KCNJ3: variants seen among roughly 807,000 people sequenced by gnomAD.
The protein encoded by KCNJ3 is G protein-activated inward rectifier potassium channel 1.
A neutral mutation model predicts 39.2 loss-of-function variants in KCNJ3; 4 were observed. The ratio of observed to expected loss-of-function variants is 0.10; its 90% CI spans 0.05 to 0.23. The LOEUF is 0.23. Among genes scored for constraint, KCNJ3 ranks in the 10% least tolerant of loss-of-function variants. KCNJ3 has a pLI of 1.00. For synonymous variants in KCNJ3, 230 were observed against 237.4 expected, an observed-to-expected ratio of 0.97 and a Z score of 0.29; for missense variants, 276 against 634.9, an observed-to-expected ratio of 0.43 and a Z score of 6.08.
chr2:154,796,463 A>C lies in KCNJ3; in HGVS notation c.920-58264A>C, dbSNP rs77574748. Among the ~76,000 whole-genome samples the C allele has an allele frequency of 1.3e-3, 193 of 152,282 alleles. 1 individual carries two copies. The highest frequency in any genetic ancestry group is 2.5e-3 in the Non-Finnish European group (170 of 68,014). On this transcript the variant is annotated intron_variant, in intron 2 of 2. Transcript: ENST00000295101. ...CATAATTGTTTGCTTTGTATCTTTTAAACACCTGACCACCTTACTAAATGA... is the reference window on the plus strand; with the variant it reads ...CATAATTGTTTGCTTTGTATCTTTTCAACACCTGACCACCTTACTAAATGA...
At chr2:154,839,253 A>G (rs1424362080) in intron 2 of KCNJ3, among the ~76,000 whole-genome samples, 1 of 152,188 alleles carries the variant, frequency 6.6e-6, no homozygotes, top group Non-Finnish European at 1.5e-5. Flanking sequence ...AGCTTCATCC[A>G]TGTCCCTGCA....
intron 2 of KCNJ3, among the ~76,000 whole-genome samples, chr2:154,757,761 G>A (rs950646202): frequency 2.0e-5 from 3 of 152,118 alleles, no homozygotes; most frequent in Non-Finnish European, 4.4e-5. Context: ...TATCTGGTGA[G>A]GACTCCCTCT....
At chr2:154,850,008 CTTTTTTTTTTTTTTT>C (rs373062062) in intron 2 of KCNJ3, among the ~76,000 whole-genome samples, 68 of 48,862 alleles carry the variant, frequency 1.4e-3, no homozygotes, top group South Asian at 0.014. Flanking sequence ...CAGAATAAAT[CTTTTTTTTTTTTTTT>C]TTTTTTTTTT....
At chr2:154,838,622 T>C (rs185400926) in intron 2 of KCNJ3, among the ~76,000 whole-genome samples, 26 of 152,308 alleles carry the variant, frequency 1.7e-4, no homozygotes, top group Admixed American at 1.1e-3. Context: ...GAACTAGATT[T>C]TGAAGGAACT....
rs531061683 is a variant in KCNJ3 at position 154,716,393 on chromosome 2, G to A, written c.919+6574G>A. Among the ~76,000 whole-genome samples, 7 of 150,238 alleles carry A rather than the reference G, an allele frequency of 4.7e-5. No homozygotes were observed. In the South Asian group the frequency reaches 1.5e-3, roughly 32 times the overall value. On this transcript the variant is annotated intron_variant, in intron 2 of 2. Coordinates refer to ENST00000295101, the MANE Select transcript of KCNJ3 (RefSeq NM_002239.4). ...GCCTGCCTCGGCCTCCCAAAGTGCTGGGATTACAGGCATGAGCCACCACGC... is the reference window on the plus strand; with the variant it reads ...GCCTGCCTCGGCCTCCCAAAGTGCTAGGATTACAGGCATGAGCCACCACGC...
intron 1 of KCNJ3, among the ~76,000 whole-genome samples, chr2:154,702,791 C>T (rs1018892096): frequency 6.6e-6 from 1 of 151,944 alleles, no homozygotes; most frequent in Admixed American, 6.5e-5. Context: ...TAGCTATAGA[C>T]AGCTCTTTTA....
chr2:154,729,382 A>G (rs1325830887), intron 2 of KCNJ3, among the ~76,000 whole-genome samples: 9 of 152,166 alleles, frequency 5.9e-5, no homozygotes, highest in African/African-American at 1.7e-4. Flanking sequence ...TCATAAAGTG[A>G]TAAGAGGAGA....
rs1425559843 is a variant in KCNJ3 at position 154,775,049 on chromosome 2, T to C, written c.919+65230T>C. On this transcript the variant is annotated intron_variant, in intron 2 of 2. Coordinates refer to ENST00000295101, the MANE Select transcript of KCNJ3 (RefSeq NM_002239.4). Reference sequence around the variant, plus strand: ...CTCCTGTTTTAGCGTCTCGAATAGTTGGGACCACAGGCATAAGCCACCATG... The same window carrying C: ...CTCCTGTTTTAGCGTCTCGAATAGTCGGGACCACAGGCATAAGCCACCATG... Among the ~76,000 whole-genome samples, 3 of 152,158 alleles carry C rather than the reference T, an allele frequency of 2.0e-5. No individual in the cohort carries two copies. In the East Asian group the frequency reaches 5.8e-4, roughly 29 times the overall value.
At chr2:154,797,310 T>C (rs1430022611) in intron 2 of KCNJ3, among the ~76,000 whole-genome samples, 3 of 152,210 alleles carry the variant, frequency 2.0e-5, no homozygotes, top group Admixed American at 6.6e-5. Flanking sequence ...AATTAGATAA[T>C]AGATTTTTTG....
rs771489524 is a variant in KCNJ3 at position 154,698,909 on chromosome 2, G to T, written c.134G>T (p.Arg45Leu). 1 of 1,614,164 alleles carries T rather than the reference G, an allele frequency of 6.2e-7. No homozygotes were observed. The highest frequency in any genetic ancestry group is 8.5e-7 in the Non-Finnish European group (1 of 1,180,042). The stretch of plus-strand genomic sequence containing the variant: ...CTTGTGCCCAAGAAGAAGCGGCAGC[G>T]GTTCGTGGACAAGAACGGCCGGTGC... ...QQLVPKKKRQ[R>L]FVDKNGRCNV... The change falls in exon 1 of 3, where the codon CGG (arginine) becomes CTG (leucine). Residue 45 changes from arginine to leucine, a missense_variant. Around this residue, in one of 4 missense-constraint regions of KCNJ3, gnomAD observed 46 missense variants for 206.6 expected, o/e 0.22. Coordinates refer to ENST00000295101, the MANE Select transcript of KCNJ3 (RefSeq NM_002239.4).
chr2:154,818,922 T>C (rs1386307078), intron 2 of KCNJ3, among the ~76,000 whole-genome samples: 4 of 44,934 alleles, frequency 8.9e-5, no homozygotes, highest in Non-Finnish European at 1.9e-4. Context: ...AAAAGCCTTT[T>C]TTTTTTTTTT....
chr2:154,795,236 G>T (rs1686702102), intron 2 of KCNJ3, among the ~76,000 whole-genome samples: 1 of 151,758 alleles, frequency 6.6e-6, no homozygotes, highest in African/African-American at 2.4e-5. Flanking sequence ...AGTATACATT[G>T]TTCAACAGCA....
intron 2 of KCNJ3, among the ~76,000 whole-genome samples, chr2:154,849,408 G>A (rs539804957): frequency 6.6e-6 from 1 of 152,102 alleles, no homozygotes; most frequent in Admixed American, 6.5e-5. Flanking sequence ...ACAGGAGAAC[G>A]CTCTTTTGCT....
At chr2:154,740,933 C>A (rs1197443572) in intron 2 of KCNJ3, among the ~76,000 whole-genome samples, 1 of 151,790 alleles carries the variant, frequency 6.6e-6, no homozygotes, top group Non-Finnish European at 1.5e-5. Context: ...GTACTGGGTA[C>A]CAAATAGCTG....
intron 2 of KCNJ3, among the ~76,000 whole-genome samples, chr2:154,716,234 C>G (rs907585378): frequency 6.6e-6 from 1 of 150,806 alleles, no homozygotes. Context: ...CTCAGCCTGC[C>G]GAGCAGCTGG....
intron 2 of KCNJ3, among the ~76,000 whole-genome samples, chr2:154,803,951 T>C (rs1574468568): frequency 6.6e-6 from 1 of 152,202 alleles, no homozygotes; most frequent in South Asian, 2.1e-4. Flanking sequence ...AGTTACAAAA[T>C]TTAACAGTTG....
intron 2 of KCNJ3, among the ~76,000 whole-genome samples, chr2:154,742,883 C>G (rs961266987): frequency 6.6e-6 from 1 of 151,628 alleles, no homozygotes; most frequent in Non-Finnish European, 1.5e-5. Flanking sequence ...TTCATTAAGT[C>G]CAATTTGTCT....
At chr2:154,815,926 T>C (rs1382494193) in intron 2 of KCNJ3, among the ~76,000 whole-genome samples, 1 of 152,184 alleles carries the variant, frequency 6.6e-6, no homozygotes, top group Non-Finnish European at 1.5e-5. Context: ...CAGGGAAGTG[T>C]TTCTTGGCAG....
intron 2 of KCNJ3, among the ~76,000 whole-genome samples, chr2:154,819,047 C>T (rs944968177): frequency 1.4e-5 from 2 of 148,056 alleles, no homozygotes; most frequent in Non-Finnish European, 3.0e-5. Flanking sequence ...TGTCTATAAT[C>T]CCAGCTACTC....
Sources: allele counts gnomAD v4.1 joint callset (sites outside exome capture counted in the v4.1 genomes callset), GRCh38; gene constraint gnomAD v4.1.1; regional missense constraint gnomAD v4.1.1; transcripts MANE v1.5; gene names NCBI Gene and HGNC (gene_info 2026-07-23, HGNC 2026-07-21).